The following FAM120C variants were observed in gnomAD, a reference collection of about 807,000 sequenced individuals.
The protein encoded by FAM120C is family with sequence similarity 120 member C, also known as constitutive coactivator of PPAR-gamma-like protein 2.
A neutral mutation model predicts 71.2 loss-of-function variants in FAM120C; 14 were observed. That is an observed-to-expected ratio of 0.20 (90% CI 0.13 to 0.31). The LOEUF (loss-of-function observed/expected upper bound fraction) is 0.31, where lower values mean the gene tolerates loss of function less well. Ranked by LOEUF, FAM120C falls within the 10% of genes least tolerant of loss-of-function variation. The probability of loss-of-function intolerance (pLI) is 1.00; values close to 1 mark genes in which losing one functional copy is unlikely to be tolerated. For synonymous variants in FAM120C, 354 were observed against 353.2 expected, an observed-to-expected ratio of 1.00 and a Z score of -0.03; for missense variants, 500 against 879.0, an observed-to-expected ratio of 0.57 and a Z score of 5.45.
At chrX:54,104,990 C>T (rs1490660597) in intron 10 of FAM120C, among the ~76,000 whole-genome samples, 1 of 111,275 alleles carries the variant, frequency 9.0e-6, no homozygotes, top group African/African-American at 3.3e-5. Flanking sequence ...CAAAGAGGAG[C>T]TGGTACCATT....
intron 13 of FAM120C, among the ~76,000 whole-genome samples, chrX:54,085,391 C>T (rs2146560275): frequency 9.0e-6 from 1 of 111,722 alleles, no homozygotes; most frequent in Admixed American, 9.6e-5. Context: ...AGTTCGAGAC[C>T]AGCCTGACCA....
rs782605744 is a variant in FAM120C at position 54,108,137 on chromosome X, C to CT, written c.2312+8407dup. Reference sequence around the variant, plus strand: ...GACTTCCCCTTTGCACAAAAACTTACTTTTTTTTAATAATGAGAAAGTATA... The same window carrying CT: ...GACTTCCCCTTTGCACAAAAACTTACTTTTTTTTTAATAATGAGAAAGTATA... On this transcript the variant is annotated intron_variant, in intron 10 of 15. Coordinates refer to ENST00000375180, the MANE Select transcript of FAM120C (RefSeq NM_017848.6). 3.7e-3 allele frequency among the ~76,000 whole-genome samples: 391 copies of CT among 106,765 alleles called. 4 individuals carry two copies. The highest frequency in any genetic ancestry group is 5.9e-3 in the Non-Finnish European group (305 of 52,072). 92.7% of individuals were successfully genotyped at this position (106,765 alleles called of 115,157 possible). A position where few individuals can be genotyped will look rare whatever the true frequency, so the allele number is the denominator to read the frequency against.
intron 1 of FAM120C, among the ~76,000 whole-genome samples, chrX:54,168,652 C>T (rs1164334647): frequency 2.7e-5 from 3 of 112,068 alleles, no homozygotes; most frequent in Admixed American, 9.5e-5. Flanking sequence ...ACGGAGTAGG[C>T]AACCAATGAA....
intron 4 of FAM120C, among the ~76,000 whole-genome samples, chrX:54,142,076 T>G (rs2067128230): frequency 1.8e-5 from 2 of 112,239 alleles, no homozygotes; most frequent in Non-Finnish European, 3.8e-5. Context: ...TGTAGATGTA[T>G]AGACAAGATT....
chrX:54,152,535 G>C (rs1234029211), intron 3 of FAM120C, among the ~76,000 whole-genome samples: 1 of 112,332 alleles, frequency 8.9e-6, no homozygotes, highest in African/African-American at 3.2e-5. Flanking sequence ...TGGGATTACA[G>C]GCATGAGCCA....
In FAM120C at chrX:54,072,141, CCACA is replaced by C. The variant is rs1189175056; in HGVS notation, c.*888_*891del. 1 of 83,120 alleles carries C rather than the reference CCACA, an allele frequency of 1.2e-5. No homozygotes were observed. Among genetic ancestry groups the C allele is most frequent in the Non-Finnish European group, 2.3e-5 (1 of 42,941 alleles). The allele number at this position is 83,120 out of a possible 1,213,427, so 6.9% of individuals were successfully genotyped here. On this transcript the variant is annotated 3_prime_UTR_variant, in exon 16 of 16. Transcript: ENST00000375180. Reference sequence around the variant, plus strand: ...CCACCCACACAACATCCACCCACACCCACACACAAGCACACATTCACACACACAC... The same window carrying C: ...CCACCCACACAACATCCACCCACACCCACAAGCACACATTCACACACACAC...
intron 10 of FAM120C, among the ~76,000 whole-genome samples, chrX:54,103,017 C>T (rs2066889849): frequency 9.0e-6 from 1 of 111,424 alleles, no homozygotes; most frequent in South Asian, 3.8e-4. Context: ...TGTGCCCAGC[C>T]TGTATTTACA....
intron 10 of FAM120C, among the ~76,000 whole-genome samples, chrX:54,093,517 G>A (rs2066834197): frequency 9.0e-6 from 1 of 111,712 alleles, no homozygotes; most frequent in African/African-American, 3.3e-5. Context: ...AATTTTAAAT[G>A]TCTCTCTAAC....
rs2067086875 is a variant in FAM120C at position 54,134,963 on chromosome X, C to A, written c.1484G>T (p.Trp495Leu). The change falls in exon 7 of 16, where the codon TGG becomes TTG. Residue 495 changes from tryptophan (W) to leucine (L), a missense_variant. By Grantham distance (61) the Trp-to-Leu change is moderately conservative. This residue lies in a region of FAM120C where 85 missense variants were observed against 84.9 expected (regional missense o/e 1.00). Coordinates refer to ENST00000375180, the MANE Select transcript of FAM120C (RefSeq NM_017848.6). Reference sequence around the variant, plus strand: ...TGCAGAAGAGTCATAGGAGACAGCCCAATTGGCAAAGGGGCTGTTCTGCAG... The same window carrying A: ...TGCAGAAGAGTCATAGGAGACAGCCAAATTGGCAAAGGGGCTGTTCTGCAG... ...PMLQNSPFAN[W>L]AVSYDSSASQ... is the part of the protein sequence containing the mutation. The A allele has an allele frequency of 8.3e-7, 1 of 1,211,213 alleles. No homozygotes were observed. Among genetic ancestry groups the A allele is most frequent in the Admixed American group, 2.2e-5 (1 of 45,927 alleles).
intron 4 of FAM120C, among the ~76,000 whole-genome samples, chrX:54,149,121 C>T (rs781820145): frequency 8.9e-6 from 1 of 112,053 alleles, no homozygotes; most frequent in Non-Finnish European, 1.9e-5. Context: ...TATGTTCATA[C>T]AAAAACCTGT....
intron 10 of FAM120C, among the ~76,000 whole-genome samples, chrX:54,108,283 C>A (rs1557125134): frequency 9.1e-6 from 1 of 109,823 alleles, no homozygotes; most frequent in African/African-American, 3.3e-5. Flanking sequence ...AAGGAAGAAA[C>A]CTGAATAAAT....
chrX:54,113,964 G>A (rs1284154089), intron 10 of FAM120C, among the ~76,000 whole-genome samples: 1 of 110,358 alleles, frequency 9.1e-6, no homozygotes, highest in African/African-American at 3.3e-5. Context: ...GTTTATTGCA[G>A]TACTATTTGC....
At chrX:54,141,408 C>T (rs1300704424) in intron 4 of FAM120C, among the ~76,000 whole-genome samples, 1 of 110,385 alleles carries the variant, frequency 9.1e-6, no homozygotes, top group Non-Finnish European at 1.9e-5. Context: ...CAACATGATC[C>T]TATCAATATA....
intron 10 of FAM120C, among the ~76,000 whole-genome samples, chrX:54,097,295 T>C (rs1285318505): frequency 1.8e-5 from 2 of 112,015 alleles, no homozygotes; most frequent in African/African-American, 6.5e-5. Context: ...ATACTACTTT[T>C]CTTGTCCTTG....
chrX:54,125,102 T>C (rs1396373515), intron 9 of FAM120C, among the ~76,000 whole-genome samples: 1 of 109,757 alleles, frequency 9.1e-6, no homozygotes, highest in African/African-American at 3.3e-5. Context: ...GTAATCCCAG[T>C]TGAGGCTGAG....
At chrX:54,140,300 A>AG (rs1235163699) in intron 4 of FAM120C, among the ~76,000 whole-genome samples, 116 of 103,263 alleles carry the variant, frequency 1.1e-3, no homozygotes, top group African/African-American at 3.9e-3. Context: ...TCAAAAAAAA[A>AG]AAAAAGAAAA....
chrX:54,091,526 A>G, intron 10 of FAM120C, 100 bp from the exon 11 acceptor site: 3 of 516,687 alleles, frequency 5.8e-6, no homozygotes, highest in Non-Finnish European at 9.5e-6. Context: ...GTACTTGGCT[A>G]GATTTTGGCA....
At chrX:54,144,555 C>A (rs1365805370) in intron 4 of FAM120C, among the ~76,000 whole-genome samples, 1 of 111,306 alleles carries the variant, frequency 9.0e-6, no homozygotes, top group Non-Finnish European at 1.9e-5. Context: ...TGAGTGAACT[C>A]CCAGTCACAA....
At chrX:54,090,252 A>G (rs2066817643) in intron 11 of FAM120C, among the ~76,000 whole-genome samples, 1 of 53,957 alleles carries the variant, frequency 1.9e-5, no homozygotes, top group Non-Finnish European at 3.7e-5. Flanking sequence ...TTTTTTTGAG[A>G]CAGAGTTTCA....
Sources: gnomAD v4.1 joint callset for allele counts (sites outside exome capture counted in the v4.1 genomes callset) on GRCh38, gnomAD v4.1.1 for gene constraint, gnomAD v4.1.1 regional missense constraint, MANE v1.5 for transcripts, NCBI Gene and HGNC (gene_info 2026-07-23, HGNC 2026-07-21) for gene names.